VGLL4: variants seen among roughly 807,000 people sequenced by gnomAD.
VGLL4 encodes the protein vestigial like family member 4.
Under a neutral mutation model 21.0 loss-of-function variants are expected in VGLL4, and 7 were observed. The observed-to-expected ratio is 0.33, with a 90% CI of 0.19 to 0.63. The LOEUF (loss-of-function observed/expected upper bound fraction) is 0.63. VGLL4 is among the 20% of genes least tolerant of loss of function. VGLL4 has a pLI of 0.78. For synonymous variants in VGLL4, 222 were observed against 173.2 expected, an observed-to-expected ratio of 1.28 and a Z score of -2.21; for missense variants, 394 against 425.7, an observed-to-expected ratio of 0.93 and a Z score of 0.66.
chr3:11,657,416 C>CA (rs943025381), intron 2 of VGLL4, among the ~76,000 whole-genome samples: 1 of 151,590 alleles, frequency 6.6e-6, no homozygotes, highest in African/African-American at 2.4e-5. Flanking sequence ...CCTCCCAAGA[C>CA]AAAAAAATAA....
intron 2 of VGLL4, among the ~76,000 whole-genome samples, chr3:11,574,495 G>A (rs2073970198): frequency 1.3e-5 from 2 of 152,288 alleles, no homozygotes; most frequent in South Asian, 4.1e-4. Context: ...GGGAAGGGTA[G>A]GGAGAAGGTA....
chr3:11,695,813 A>G (rs2076599600), intron 2 of VGLL4, among the ~76,000 whole-genome samples: 1 of 152,164 alleles, frequency 6.6e-6, no homozygotes, highest in African/African-American at 2.4e-5. Context: ...CCCCTCTGGT[A>G]TTTTAGGATA....
At position 11,568,952 on chromosome 3, in the gene VGLL4, A is replaced by G. The variant is rs910690547; in HGVS notation, c.273-3933T>C. ...CACTGCCAGCTGCCCACGGAGAGAA[A>G]GATGGAAAGAGGAGGGAGGGAAAGA... is the stretch of plus-strand genomic sequence containing the variant. On this transcript the variant is annotated intron_variant, in intron 2 of 4. Transcript: ENST00000430365. The surrounding 1 kb of genome is among the most constrained non-coding windows in gnomAD (Gnocchi z 5.9). 25 of 1,205,230 alleles carry G rather than the reference A, an allele frequency of 2.1e-5. No homozygotes were observed. The highest frequency in any genetic ancestry group is 3.5e-4 in the Middle Eastern group (1 of 2,882). The allele number at this position is 1,205,230 out of a possible 1,614,324, so 74.7% of individuals were successfully genotyped here.
At chr3:11,676,522 T>C (rs1278252443) in intron 2 of VGLL4, among the ~76,000 whole-genome samples, 1 of 151,816 alleles carries the variant, frequency 6.6e-6, no homozygotes, top group Non-Finnish European at 1.5e-5. Context: ...GTATAATATT[T>C]CATCTACTGA....
chr3:11,596,517 T>G (rs914696988), intron 2 of VGLL4, among the ~76,000 whole-genome samples: 1 of 152,138 alleles, frequency 6.6e-6, no homozygotes, highest in African/African-American at 2.4e-5. Flanking sequence ...GGAGATAGAG[T>G]ATGGAACGGG....
intron 2 of VGLL4, among the ~76,000 whole-genome samples, chr3:11,665,912 T>G (rs2076116460): frequency 6.6e-6 from 1 of 152,170 alleles, no homozygotes; most frequent in Non-Finnish European, 1.5e-5. Flanking sequence ...AGAAGGTGCC[T>G]CTGAGTGACG....
upstream of VGLL4, among the ~76,000 whole-genome samples, chr3:11,646,366 T>G (rs1327284589): frequency 6.6e-6 from 1 of 152,188 alleles, no homozygotes; most frequent in African/African-American, 2.4e-5. Context: ...TCAGAAAACT[T>G]TATCCATCAT....
intron 1 of VGLL4, among the ~76,000 whole-genome samples, chr3:11,620,299 G>C (rs760029625): frequency 6.6e-6 from 1 of 152,116 alleles, no homozygotes; most frequent in East Asian, 1.9e-4. Context: ...TATACCACTC[G>C]GAGAGGTTTC....
chr3:11,640,450 T>C (rs1437490241), intron 1 of VGLL4, among the ~76,000 whole-genome samples: 1 of 152,182 alleles, frequency 6.6e-6, no homozygotes, highest in African/African-American at 2.4e-5. Context: ...CAGTGGTTAA[T>C]TGCTGAGTAC....
intron 2 of VGLL4, among the ~76,000 whole-genome samples, chr3:11,691,716 C>T (rs1253314344): frequency 1.3e-5 from 2 of 152,150 alleles, no homozygotes; most frequent in Admixed American, 1.3e-4. Flanking sequence ...CCCAAGAATT[C>T]CTGAGCCAGA....
In VGLL4 at chr3:11,683,432, G is replaced by GT. The variant is rs769539935; in HGVS notation, c.64+19538dup. Among the ~76,000 whole-genome samples the GT allele has an allele frequency of 3.9e-5, 6 of 152,206 alleles. No individual in the cohort carries two copies. In the East Asian group the frequency reaches 1.2e-3, roughly 29 times the overall value. ...TTCAATCCAGCAATCCCACTACTGGGTATCTACCAAAAGGAAAAGAAGTCC... is the reference window on the plus strand; with the variant it reads ...TTCAATCCAGCAATCCCACTACTGGGTTATCTACCAAAAGGAAAAGAAGTCC... On this transcript the variant is annotated intron_variant, in intron 2 of 5. Coordinates refer to the VGLL4 transcript ENST00000273038.
intron 1 of VGLL4, among the ~76,000 whole-genome samples, chr3:11,619,500 T>G (rs1292415975): frequency 6.6e-6 from 1 of 152,042 alleles, no homozygotes; most frequent in Non-Finnish European, 1.5e-5. Flanking sequence ...TGCCCTAGGG[T>G]GTGTAATGCA....
At position 11,556,626 on chromosome 3, in the gene VGLL4, G is replaced by A. The variant is rs551337320; in HGVS notation, c.*1930C>T. The A allele has an allele frequency of 4.4e-4, 66 of 150,404 alleles. No individual in the cohort carries two copies. The highest frequency in any genetic ancestry group is 1.4e-3 in the African/African-American group (58 of 40,732). 9.3% of individuals were successfully genotyped at this position (150,404 alleles called of 1,614,324 possible). ...AAAAAAAGATCAACTTTTTTTTTCC[G>A]AACAACAAAAAAAATGAATGATTAC... On this transcript the variant is annotated 3_prime_UTR_variant, in exon 5 of 5. Coordinates refer to ENST00000430365, the MANE Select transcript of VGLL4 (RefSeq NM_001128219.3).
chr3:11,665,279 A>G (rs1331881623), intron 2 of VGLL4, among the ~76,000 whole-genome samples: 1 of 151,334 alleles, frequency 6.6e-6, no homozygotes, highest in African/African-American at 2.4e-5. Context: ...ACGCCTGGCT[A>G]ATTTTTTGTA....
At chr3:11,612,438 C>T (rs959940580) in intron 1 of VGLL4, among the ~76,000 whole-genome samples, 1 of 152,200 alleles carries the variant, frequency 6.6e-6, no homozygotes, top group African/African-American at 2.4e-5. Context: ...ACAACACAAA[C>T]AGCCTGAAGA....
intron 2 of VGLL4, among the ~76,000 whole-genome samples, chr3:11,693,863 A>G (rs2076567726): frequency 6.6e-6 from 1 of 151,946 alleles, no homozygotes; most frequent in Non-Finnish European, 1.5e-5. Flanking sequence ...TTACTGATAG[A>G]TTAGTGAAGG....
intron 2 of VGLL4, among the ~76,000 whole-genome samples, chr3:11,697,778 A>G (rs2076625441): frequency 6.6e-6 from 1 of 152,198 alleles, no homozygotes; most frequent in Non-Finnish European, 1.5e-5. Context: ...GTTCTTAGGA[A>G]TGCTTACTTG....
chr3:11,635,832 T>A lies in VGLL4; in HGVS notation c.82+7605A>T, dbSNP rs556492374. Among the ~76,000 whole-genome samples, 32 of 152,316 alleles carry A rather than the reference T, an allele frequency of 2.1e-4. 1 individual carries two copies. In the East Asian group the frequency reaches 6.0e-3, roughly 28 times the overall value. ...ATTTTCCATTCCCTTTACTTTCTAG[T>A]CGGTAGAACTTAAAGCCTGGCACAG... On this transcript the variant is annotated intron_variant, in intron 1 of 4. Coordinates refer to ENST00000430365, the MANE Select transcript of VGLL4 (RefSeq NM_001128219.3).
At chr3:11,615,627 C>G (rs2075147586) in intron 1 of VGLL4, among the ~76,000 whole-genome samples, 1 of 152,214 alleles carries the variant, frequency 6.6e-6, no homozygotes, top group Non-Finnish European at 1.5e-5. Flanking sequence ...GTCATTGTCA[C>G]TCAATCACAT....
Sources: gnomAD v4.1 joint callset for allele counts (sites outside exome capture counted in the v4.1 genomes callset) on GRCh38, gnomAD v4.1.1 for gene constraint, Gnocchi (gnomAD v3.1) non-coding constraint, MANE v1.5 for transcripts, NCBI Gene and HGNC (gene_info 2026-07-23, HGNC 2026-07-21) for gene names.